DENND2C: variants seen among roughly 807,000 people sequenced by gnomAD.
The protein encoded by DENND2C is DENN domain-containing protein 2C.
In DENND2C, 72 loss-of-function variants were observed where a neutral mutation model predicts 112.4. The observed-to-expected ratio is 0.64, with a 90% CI of 0.53 to 0.78. DENND2C has a LOEUF of 0.78. DENND2C is among the 30% of genes least tolerant of loss of function. The pLI is 0.00. For synonymous variants in DENND2C, 329 were observed against 381.6 expected, an observed-to-expected ratio of 0.86 and a Z score of 1.61; for missense variants, 992 against 1,113.8, an observed-to-expected ratio of 0.89 and a Z score of 1.56.
intron 10 of DENND2C, 29 bp downstream of exon 10, chr1:114,608,657 T>C: frequency 6.2e-7 from 1 of 1,605,504 alleles, no homozygotes; most frequent in Non-Finnish European, 8.5e-7. Context: ...GGAACATTCC[T>C]GAATGCCTCT....
intron 10 of DENND2C, among the ~76,000 whole-genome samples, chr1:114,608,185 G>A (rs1039682663): frequency 6.6e-6 from 1 of 152,084 alleles, no homozygotes; most frequent in Non-Finnish European, 1.5e-5. Flanking sequence ...GCTTGAACCT[G>A]GGAGGTGGAG....
At chr1:114,620,230 C>A (rs1049620067) in intron 7 of DENND2C, among the ~76,000 whole-genome samples, 1 of 152,136 alleles carries the variant, frequency 6.6e-6, no homozygotes, top group Non-Finnish European at 1.5e-5. Flanking sequence ...AAGATTCAAT[C>A]CAAGGAGGGT....
intron 20 of DENND2C, among the ~76,000 whole-genome samples, chr1:114,586,318 G>C (rs2101636394): frequency 6.6e-6 from 1 of 151,954 alleles, no homozygotes; most frequent in African/African-American, 2.4e-5. Flanking sequence ...GACTTCATGG[G>C]GTATATGAGC....
chr1:114,602,036 A>T (rs1655525771), intron 12 of DENND2C, 89 bp downstream of exon 12: 2 of 1,289,828 alleles, frequency 1.6e-6, no homozygotes, highest in African/African-American at 1.5e-5. Flanking sequence ...CATCCCTCAA[A>T]CTCATCTAGA....
chr1:114,601,064 A>G (rs1215466310), intron 13 of DENND2C, 104 bp from the exon 14 acceptor site: 1 of 1,273,304 alleles, frequency 7.9e-7, no homozygotes, highest in African/African-American at 1.5e-5. Context: ...AAAATAACCC[A>G]AATAAAATTT....
intron 3 of DENND2C, among the ~76,000 whole-genome samples, chr1:114,635,704 C>T (rs565090610): frequency 6.6e-5 from 10 of 152,032 alleles, no homozygotes; most frequent in African/African-American, 2.2e-4. Flanking sequence ...TGCAAAAGTC[C>T]CTCTAAAATA....
At chr1:114,615,013 CA>C (rs1345230274) in intron 8 of DENND2C, among the ~76,000 whole-genome samples, 77 of 124,098 alleles carry the variant, frequency 6.2e-4, no homozygotes, top group East Asian at 1.8e-3. Flanking sequence ...GACTCCGTCT[CA>C]AAAAAAAAAA....
intron 17 of DENND2C, among the ~76,000 whole-genome samples, chr1:114,595,007 T>C (rs1178192939): frequency 1.3e-5 from 2 of 152,244 alleles, no homozygotes; most frequent in Non-Finnish European, 1.5e-5. Flanking sequence ...ACTCTTCCTT[T>C]CCACTTCAAT....
intron 10 of DENND2C, 54 bp downstream of exon 10, chr1:114,608,632 G>A: frequency 2.5e-6 from 4 of 1,571,924 alleles, no homozygotes; most frequent in South Asian, 2.3e-5. Flanking sequence ...GGAAATACAT[G>A]TACACAGAGA....
chr1:114,652,167 A>C (rs535183382), intron 2 of DENND2C, among the ~76,000 whole-genome samples: 1 of 152,330 alleles, frequency 6.6e-6, no homozygotes, highest in South Asian at 2.1e-4. Flanking sequence ...ACCCTGACTG[A>C]ATGCTATGCA....
chr1:114,625,150 A>T, intron 4 of DENND2C, 29 bp downstream of exon 4: 1 of 1,552,308 alleles, frequency 6.4e-7, no homozygotes, highest in Non-Finnish European at 8.7e-7. Context: ...AAATACCTAC[A>T]AGTCTTTATC....
At chr1:114,595,696 G>T in intron 17 of DENND2C, 136 bp downstream of exon 17, 1 of 751,504 alleles carries the variant, frequency 1.3e-6, no homozygotes, top group Non-Finnish European at 2.2e-6. Context: ...TGGCCATGGT[G>T]TCAATTCAAG....
At chr1:114,595,811 A>C in intron 17 of DENND2C, 21 bp downstream of exon 17, 1 of 1,604,926 alleles carries the variant, frequency 6.2e-7, no homozygotes, top group Non-Finnish European at 8.5e-7. Flanking sequence ...AACATAAGTA[A>C]TTACCTCCTT....
intron 12 of DENND2C, 46 bp downstream of exon 12, chr1:114,602,079 A>G (rs1333198016): frequency 6.3e-7 from 1 of 1,594,848 alleles, no homozygotes; most frequent in African/African-American, 1.3e-5. Flanking sequence ...CTCTGACTCA[A>G]TTATTCCTTG....
rs180965412 is a variant in DENND2C at position 114,622,651 on chromosome 1, G to A, written c.1056+336C>T. On this transcript the variant is annotated intron_variant, in intron 6 of 20. Transcript: ENST00000393274. ...CTCTAGGGAGCCTTTGCTTCTAGGC[G>A]TCTCACATACTTTCAGGGACTAGGA... 2.0e-3 allele frequency among the ~76,000 whole-genome samples: 307 copies of A among 152,050 alleles called. 1 individual carries two copies. The highest frequency in any genetic ancestry group is 6.2e-3 in the African/African-American group (259 of 41,466).
intron 8 of DENND2C, among the ~76,000 whole-genome samples, chr1:114,615,923 A>C (rs1408114878): frequency 6.6e-6 from 1 of 151,978 alleles, no homozygotes; most frequent in Non-Finnish European, 1.5e-5. Flanking sequence ...AAAATACAAA[A>C]AATTAGCCGG....
chr1:114,622,619 TCATGAACTCTAGG>T (rs1454636254), intron 6 of DENND2C, among the ~76,000 whole-genome samples: 1 of 152,156 alleles, frequency 6.6e-6, no homozygotes, highest in Non-Finnish European at 1.5e-5. Context: ...CTCACAGTTT[TCATGAACTCTAGG>T]GAGCCTTTGC....
At chr1:114,590,554 G>A (rs1040831406) in intron 18 of DENND2C, among the ~76,000 whole-genome samples, 4 of 152,088 alleles carry the variant, frequency 2.6e-5, no homozygotes, top group Admixed American at 2.0e-4. Flanking sequence ...TGAGGCGGGC[G>A]GATCACGAGG....
intron 3 of DENND2C, among the ~76,000 whole-genome samples, chr1:114,628,306 C>T (rs61043488): frequency 0.01 from 1,438 of 141,422 alleles, 29 homozygotes; most frequent in African/African-American, 0.036. Flanking sequence ...GGTGATGGAG[C>T]GAGACCCCAA....
Sources: allele counts gnomAD v4.1 joint callset (sites outside exome capture counted in the v4.1 genomes callset), GRCh38; gene constraint gnomAD v4.1.1; transcripts MANE v1.5; gene names NCBI Gene and HGNC (gene_info 2026-07-23, HGNC 2026-07-21).